The following PPRC1 variants were observed in gnomAD, a reference collection of about 807,000 sequenced individuals.
PPRC1 encodes the protein PPARG related coactivator 1.
A neutral mutation model predicts 132.5 loss-of-function variants in PPRC1; 23 were observed. The ratio of observed to expected loss-of-function variants is 0.17; its 90% CI spans 0.12 to 0.25. The LOEUF is 0.25. Among genes scored for constraint, PPRC1 ranks in the 10% least tolerant of loss-of-function variants. The probability of loss-of-function intolerance (pLI) is 1.00; values close to 1 mark genes in which losing one functional copy is unlikely to be tolerated. For missense variants in PPRC1, 2,006 were observed against 2,089.1 expected (o/e 0.96, Z 0.78); for synonymous variants, 872 against 833.5 (o/e 1.05, Z -0.80).
chr10:102,146,513 G>A (rs1019758527), intron 8 of PPRC1, among the ~76,000 whole-genome samples, 159 bp from the exon 9 acceptor site: 8 of 152,170 alleles, frequency 5.3e-5, no homozygotes, highest in Non-Finnish European at 8.8e-5. Flanking sequence ...GGGGAACATG[G>A]GGAAGGGGCA....
chr10:102,145,602 C>T (rs1280951260), intron 8 of PPRC1, among the ~76,000 whole-genome samples: 1 of 150,390 alleles, frequency 6.6e-6, no homozygotes, highest in East Asian at 2.0e-4. Context: ...CGGTGGCCCA[C>T]GCCTGTAATC....
chr10:102,133,964 T>C (rs1490225856), intron 1 of PPRC1, among the ~76,000 whole-genome samples: 1 of 151,870 alleles, frequency 6.6e-6, no homozygotes, highest in African/African-American at 2.4e-5. Context: ...TGCGGGAGTT[T>C]GTTCCCTGCG....
the PPRC1 span, among the ~76,000 whole-genome samples, chr10:102,120,633 G>T: frequency 1.3e-5 from 2 of 152,172 alleles, no homozygotes; most frequent in African/African-American, 4.8e-5. Context: ...CGAGGGGCTG[G>T]GAGCGCTCGG....
At chr10:102,120,654 G>T in the PPRC1 span, among the ~76,000 whole-genome samples, 1 of 152,176 alleles carries the variant, frequency 6.6e-6, no homozygotes, top group Non-Finnish European at 1.5e-5. Flanking sequence ...GGAACGGCAT[G>T]CATGTGACGC....
intron 8 of PPRC1, among the ~76,000 whole-genome samples, chr10:102,145,873 AC>A (rs1465730121): frequency 2.0e-5 from 3 of 151,782 alleles, no homozygotes; most frequent in African/African-American, 7.2e-5. Flanking sequence ...TTTAAAAAAA[AC>A]AAACAACAAA....
At chr10:102,126,944 G>A in the PPRC1 span, among the ~76,000 whole-genome samples, 1 of 140,742 alleles carries the variant, frequency 7.1e-6, no homozygotes, top group African/African-American at 2.6e-5. Flanking sequence ...CAGGAAACTT[G>A]TTAACCATGG....
chr10:102,123,854 T>A, the PPRC1 span, among the ~76,000 whole-genome samples: 1 of 145,812 alleles, frequency 6.9e-6, no homozygotes, highest in Non-Finnish European at 1.5e-5. Flanking sequence ...TTTTTTTTTT[T>A]TTTGAGATGG....
chr10:102,138,624 G>T lies in PPRC1; in HGVS notation c.348G>T (p.Arg116Ser), dbSNP rs759171314. Residue 116 changes from arginine to serine, a missense_variant, in exon 3 of 14, where the codon AGG becomes AGT. By Grantham distance (110) the Arg-to-Ser change is moderately radical. Around this residue, in one of 2 missense-constraint regions of PPRC1, gnomAD observed 1,914 missense variants for 1,917.2 expected, o/e 1.00. Transcript: ENST00000278070. ...IEDFGSLGES[R>S]LSLEDQNEVS... Reference sequence around the variant, plus strand: ...TGGTTGTTTTTCTGGAGCAGAGCAGGTTATCTCTGGAGGACCAGAATGAAG... The same window carrying T: ...TGGTTGTTTTTCTGGAGCAGAGCAGTTTATCTCTGGAGGACCAGAATGAAG... The T allele has an allele frequency of 2.5e-6, 4 of 1,614,124 alleles. No homozygotes were observed. The highest frequency in any genetic ancestry group is 2.2e-5 in the East Asian group (1 of 44,890).
intron 1 of PPRC1, among the ~76,000 whole-genome samples, chr10:102,136,242 C>A (rs1301706159): frequency 6.6e-6 from 1 of 152,086 alleles, no homozygotes; most frequent in Admixed American, 6.6e-5. Flanking sequence ...GGCCTCCTAA[C>A]GCGTCCTTAA....
rs760911654 is a variant in PPRC1 at position 102,133,082 on chromosome 10, G to A, written c.14G>A (p.Arg5Gln). The A allele has an allele frequency of 4.8e-6, 6 of 1,242,576 alleles. No individual in the cohort carries two copies. Among genetic ancestry groups the A allele is most frequent in the Non-Finnish European group, 6.1e-6 (6 of 988,000 alleles). The allele number at this position is 1,242,576 out of a possible 1,614,324, so 77.0% of individuals were successfully genotyped here. MAARRGRRDGVAPPP... is the reference protein window; with the variant it reads MAARQGRRDGVAPPP... ...TCAGGGGCCAAGATGGCGGCGCGCC[G>A]GGGACGGAGAGACGGAGTCGCGCCG... Residue 5 changes from arginine to glutamine, a missense_variant, in exon 1 of 14, where the codon CGG (arginine) becomes CAG (glutamine). By Grantham distance (43) the Arg-to-Gln change is conservative. Coordinates refer to ENST00000278070, the MANE Select transcript of PPRC1 (RefSeq NM_015062.5).
chr10:102,141,212 C>T lies in PPRC1; in HGVS notation c.2704C>T (p.Leu902Phe), dbSNP rs1286477093. Reference sequence around the variant, plus strand: ...CCCACCTCCCTTGCAGCCTCCTAGTCTTCCATTGTCTATGGGGCCAGTACT... The same window carrying T: ...CCCACCTCCCTTGCAGCCTCCTAGTTTTCCATTGTCTATGGGGCCAGTACT... The part of the protein sequence containing the change: ...LPPPPLQPPS[L>F]PLSMGPVLPD... Residue 902 changes from leucine (L) to phenylalanine (F), a missense_variant, in exon 5 of 14, where the codon CTT becomes TTT. Coordinates refer to ENST00000278070, the MANE Select transcript of PPRC1 (RefSeq NM_015062.5). The T allele has an allele frequency of 6.2e-7, 1 of 1,613,868 alleles. No individual in the cohort carries two copies. The highest frequency in any genetic ancestry group is 1.3e-5 in the African/African-American group (1 of 74,882).
At chr10:102,133,367 GC>G in intron 1 of PPRC1, 146 bp downstream of exon 1, 1 of 634,940 alleles carries the variant, frequency 1.6e-6, no homozygotes. Context: ...TGGGCCCTAG[GC>G]CGTTTGCTGG....
Position 102,133,088 on chromosome 10 carries a change from G to A in PPRC1, c.20G>A (p.Arg7Gln). Residue 7 changes from arginine to glutamine, a missense_variant, in exon 1 of 14, where the codon CGG becomes CAG. This residue lies in a region of PPRC1 where 1,914 missense variants were observed against 1,917.2 expected (regional missense o/e 1.00). Transcript: ENST00000278070. MAARRGRRDGVAPPPSG... is the reference protein window; with the variant it reads MAARRGQRDGVAPPPSG... ...GCCAAGATGGCGGCGCGCCGGGGAC[G>A]GAGAGACGGAGTCGCGCCGCCCCCG... 2.4e-6 allele frequency: 3 copies of A among 1,243,188 alleles called. No individual in the cohort carries two copies. The highest frequency in any genetic ancestry group is 3.0e-6 in the Non-Finnish European group (3 of 988,056). The allele number at this position is 1,243,188 out of a possible 1,614,324, so 77.0% of individuals were successfully genotyped here.
chr10:102,133,217 A>G lies in PPRC1; in HGVS notation c.149A>G (p.Glu50Gly). 7.8e-7 allele frequency: 1 copy of G among 1,281,746 alleles called. No individual in the cohort carries two copies. The highest frequency in any genetic ancestry group is 9.9e-7 in the Non-Finnish European group (1 of 1,007,600). The allele number at this position is 1,281,746 out of a possible 1,614,324, so 79.4% of individuals were successfully genotyped here. ...ACTTTGGGCGCTGTGAGCGGCGGCG[A>G]GCAGGTGAGAGGTTGGCTGGCGGCC... The part of the protein sequence containing the change: ...YGTLGAVSGG[E>G]QVLLHEEAGD... Residue 50 changes from glutamate to glycine, a missense_variant, in exon 1 of 14, where the codon GAG (glutamate) becomes GGG (glycine). Glu to Gly is a moderately conservative substitution (Grantham distance 98). Coordinates refer to ENST00000278070, the MANE Select transcript of PPRC1 (RefSeq NM_015062.5).
upstream of PPRC1, among the ~76,000 whole-genome samples, chr10:102,130,222 C>T: frequency 6.6e-6 from 1 of 150,650 alleles, no homozygotes; most frequent in Non-Finnish European, 1.5e-5. Flanking sequence ...CGAGACCATC[C>T]TGGTTAACAT....
chr10:102,148,573 G>C lies in PPRC1; in HGVS notation c.4550+52G>C. On this transcript the variant is annotated intron_variant, in intron 10 of 13. Coordinates refer to ENST00000278070, the MANE Select transcript of PPRC1 (RefSeq NM_015062.5). This position sits in a 1 kb window ranked among gnomAD's most constrained non-coding sequence, Gnocchi z 4.2. ...GCACCTGGGATGCAGGTGCCTAAGA[G>C]TTGAGTCTTGAATTGTCTTATGTTT... The C allele has an allele frequency of 6.2e-7, 1 of 1,613,060 alleles. No individual in the cohort carries two copies. The highest frequency in any genetic ancestry group is 2.2e-5 in the East Asian group (1 of 44,866).
intron 7 of PPRC1, chr10:102,144,598 C>G (rs975493548): frequency 7.9e-6 from 4 of 508,204 alleles, no homozygotes; most frequent in African/African-American, 5.8e-5. Flanking sequence ...TTCTTTCTTT[C>G]ATTTAATAAC....
chr10:102,133,293 C>T, intron 1 of PPRC1, 72 bp downstream of exon 1: 1 of 1,189,768 alleles, frequency 8.4e-7, no homozygotes, highest in Non-Finnish European at 1.1e-6. Context: ...GTGGACGCCA[C>T]AGGAAAGAGA....
chr10:102,144,326 G>A lies in PPRC1; in HGVS notation c.3608+19G>A. The A allele has an allele frequency of 1.2e-6, 2 of 1,611,356 alleles. No individual in the cohort carries two copies. The highest frequency in any genetic ancestry group is 1.7e-6 in the Non-Finnish European group (2 of 1,178,632). On this transcript the variant is annotated intron_variant, in intron 7 of 13. Transcript: ENST00000278070. ...ACTCAGGGTAAGTATGGAGACATGA[G>A]CGAGTTACCCTACAGCTGTTAGTCA...
Sources: allele counts gnomAD v4.1 joint callset (sites outside exome capture counted in the v4.1 genomes callset), GRCh38; gene constraint gnomAD v4.1.1; regional missense constraint gnomAD v4.1.1; non-coding constraint Gnocchi (gnomAD v3.1); transcripts MANE v1.5; gene names NCBI Gene and HGNC (gene_info 2026-07-23, HGNC 2026-07-21).